Variants in FNDC3B observed in about 807,000 individuals in gnomAD.
FNDC3B encodes fibronectin type III domain containing 3B, also known as fibronectin type III domain-containing protein 3B.
In FNDC3B, 12 loss-of-function variants were observed where a neutral mutation model predicts 151.5. That is an observed-to-expected ratio of 0.08 (90% CI 0.05 to 0.13). FNDC3B has a LOEUF of 0.13. FNDC3B is among the 10% of genes least tolerant of loss of function. The pLI, the probability that FNDC3B is intolerant of heterozygous loss-of-function variation, is 1.00. For missense variants in FNDC3B, 1,214 were observed against 1,505.3 expected, an observed-to-expected ratio of 0.81 and a Z score of 3.20; for synonymous variants, 528 against 549.0, an observed-to-expected ratio of 0.96 and a Z score of 0.54.
intron 3 of FNDC3B, among the ~76,000 whole-genome samples, chr3:172,176,741 T>C (rs1377825222): frequency 6.6e-6 from 1 of 152,042 alleles, no homozygotes; most frequent in Non-Finnish European, 1.5e-5. Flanking sequence ...TAGTCTGGAG[T>C]GCTTGTTAAA....
At chr3:172,170,198 A>T (rs1051137025) in intron 3 of FNDC3B, among the ~76,000 whole-genome samples, 2 of 152,242 alleles carry the variant, frequency 1.3e-5, no homozygotes, top group African/African-American at 4.8e-5. Context: ...TTCTGTAAAG[A>T]TTCCTGCAAC....
chr3:172,135,220 C>G (rs1721300868), intron 3 of FNDC3B, among the ~76,000 whole-genome samples: 2 of 151,894 alleles, frequency 1.3e-5, no homozygotes, highest in Non-Finnish European at 2.9e-5. Flanking sequence ...TTCATTCCAC[C>G]TAAGTTTACT....
rs181285477 is a variant in FNDC3B at position 172,070,713 on chromosome 3, A to T, written c.-29+30942A>T. Among the ~76,000 whole-genome samples, 3 of 152,350 alleles carry T rather than the reference A, an allele frequency of 2.0e-5. No homozygotes were observed. The East Asian group carries it at 5.8e-4, about 29-fold the overall frequency. On this transcript the variant is annotated intron_variant, in intron 1 of 25. Transcript: ENST00000415807. The stretch of plus-strand genomic sequence containing the variant: ...TGAAAAAAATTTGAACATAGACAAA[A>T]GTAGAGAATAGTAGTGGATCCCCCT...
intron 2 of FNDC3B, among the ~76,000 whole-genome samples, chr3:172,125,332 C>A (rs983804358): frequency 7.2e-6 from 1 of 138,268 alleles, no homozygotes. Context: ...AGCCCCAGTC[C>A]GGGTCACAGC....
chr3:172,146,626 C>A lies in FNDC3B; in HGVS notation c.187+13080C>A, dbSNP rs531152416. On this transcript the variant is annotated intron_variant, in intron 3 of 25. Transcript: ENST00000415807. ...GAAATTCTTGCACTGTGCTTTCCCA[C>A]GTACATTTCAGTGTACAGGCTGTGT... Among the ~76,000 whole-genome samples the A allele has an allele frequency of 2.6e-5, 4 of 152,296 alleles. No individual in the cohort carries two copies. In the East Asian group the frequency reaches 7.7e-4, roughly 29 times the overall value.
chr3:172,386,759 G>GAAAAAAAAAAAAAA (rs1233563821), intron 25 of FNDC3B, among the ~76,000 whole-genome samples: 1 of 106,366 alleles, frequency 9.4e-6, no homozygotes. Context: ...AAAAAAAAAA[G>GAAAAAAAAAAAAAA]AAAAAAAAAA....
At chr3:172,074,997 T>C (rs1023235776) in intron 1 of FNDC3B, among the ~76,000 whole-genome samples, 6 of 152,242 alleles carry the variant, frequency 3.9e-5, no homozygotes, top group Non-Finnish European at 8.8e-5. Context: ...ACTTCTTGAT[T>C]TTAGTACATT....
intron 3 of FNDC3B, among the ~76,000 whole-genome samples, chr3:172,185,330 A>G (rs573231906): frequency 1.3e-5 from 2 of 152,302 alleles, no homozygotes; most frequent in South Asian, 2.1e-4. Flanking sequence ...GTACCCATTT[A>G]TTGGCCTGAT....
At chr3:172,065,644 C>T (rs1307797678) in intron 1 of FNDC3B, among the ~76,000 whole-genome samples, 2 of 152,286 alleles carry the variant, frequency 1.3e-5, no homozygotes, top group African/African-American at 4.8e-5. Context: ...TTTGGCTGTG[C>T]ATTAGCAACG....
rs1197681681 is a variant in FNDC3B at position 172,307,417 on chromosome 3, C to T, written c.1116C>T (p.Phe372=). The T allele has an allele frequency of 6.2e-6, 10 of 1,613,982 alleles. No homozygotes were observed. The highest frequency in any genetic ancestry group is 7.6e-6 in the Non-Finnish European group (9 of 1,179,972). Residue 372 remains phenylalanine, a synonymous_variant, in exon 10 of 26, where the codon TTC becomes TTT. Coordinates refer to ENST00000415807, the MANE Select transcript of FNDC3B (RefSeq NM_022763.4). ...GATCCTGCTCCGAGCCTGTTAGCTT[C>T]ACCACCCACAGCTGTGCACCCGAGT... is the stretch of plus-strand genomic sequence containing the variant. The part of the protein sequence containing the change: ...VKGSCSEPVS[F]TTHSCAPECP...
intron 3 of FNDC3B, among the ~76,000 whole-genome samples, chr3:172,210,853 G>T (rs1484618721): frequency 6.6e-6 from 1 of 152,104 alleles, no homozygotes; most frequent in African/African-American, 2.4e-5. Context: ...CTTTTTGGAT[G>T]TGTTACTTGG....
In FNDC3B at chr3:172,288,981, C is replaced by T. The variant is rs532802010; in HGVS notation, c.849+2997C>T. Reference sequence around the variant, plus strand: ...CTGCTTTTGCACATGACTAAAACAACTTCTCTTTCTCTCCACCTATATGTT... The same window carrying T: ...CTGCTTTTGCACATGACTAAAACAATTTCTCTTTCTCTCCACCTATATGTT... On this transcript the variant is annotated intron_variant, in intron 7 of 25. Transcript: ENST00000415807. Among the ~76,000 whole-genome samples the T allele has an allele frequency of 3.3e-5, 5 of 152,332 alleles. No individual in the cohort carries two copies. In the South Asian group the frequency reaches 1.0e-3, roughly 32 times the overall value.
intron 16 of FNDC3B, among the ~76,000 whole-genome samples, chr3:172,338,598 T>TA (rs1238046621): frequency 4.6e-5 from 7 of 152,244 alleles, no homozygotes; most frequent in African/African-American, 1.7e-4. Flanking sequence ...AGTGCCTTTT[T>TA]AAAAATTCTA....
intron 3 of FNDC3B, among the ~76,000 whole-genome samples, chr3:172,200,962 T>C (rs1725118094): frequency 6.6e-6 from 1 of 152,358 alleles, no homozygotes; most frequent in East Asian, 1.9e-4. Context: ...AAGAGCTATC[T>C]TTGTGGCAAT....
In FNDC3B at chr3:172,156,642, C is replaced by T. The variant is rs575922866; in HGVS notation, c.187+23096C>T. Among the ~76,000 whole-genome samples, 17 of 151,956 alleles carry T rather than the reference C, an allele frequency of 1.1e-4. No individual in the cohort carries two copies. The South Asian group carries it at 2.7e-3, about 24-fold the overall frequency. On this transcript the variant is annotated intron_variant, in intron 3 of 25. Transcript: ENST00000415807. ...TCCTTTGCTAATTGAACCTGGAAAA[C>T]CTAACCATGAAAGGGATCTACAGAG...
At chr3:172,351,044 G>C (rs1414032533) in intron 21 of FNDC3B, among the ~76,000 whole-genome samples, 1 of 152,182 alleles carries the variant, frequency 6.6e-6, no homozygotes, top group African/African-American at 2.4e-5. Context: ...ATCAAGTACA[G>C]TTGCCAGAAA....
chr3:172,078,317 T>C lies in FNDC3B; in HGVS notation c.-28-34135T>C, dbSNP rs145658052. Among the ~76,000 whole-genome samples, 377 of 152,358 alleles carry C rather than the reference T, an allele frequency of 2.5e-3. 3 individuals are homozygous for C. Among genetic ancestry groups the C allele is most frequent in the African/African-American group, 8.8e-3 (366 of 41,584 alleles). ...TTAGACTCTTTTTCTGTGAACTCTT[T>C]TCTTTCGACTTGTTGTTCTTTAAGG... is the stretch of plus-strand genomic sequence containing the variant. On this transcript the variant is annotated intron_variant, in intron 1 of 25. Coordinates refer to ENST00000415807, the MANE Select transcript of FNDC3B (RefSeq NM_022763.4).
chr3:172,293,184 G>C (rs117970227), intron 7 of FNDC3B, among the ~76,000 whole-genome samples: 1 of 152,158 alleles, frequency 6.6e-6, no homozygotes, highest in Non-Finnish European at 1.5e-5. Context: ...GTAAACAAAG[G>C]CAGCATTTGA....
intron 8 of FNDC3B, among the ~76,000 whole-genome samples, chr3:172,296,403 A>G (rs959209175): frequency 6.6e-6 from 1 of 152,176 alleles, no homozygotes; most frequent in Non-Finnish European, 1.5e-5. Context: ...GGAAAGAGGG[A>G]CAGAGGTTAA....
Sources: allele counts gnomAD v4.1 joint callset (sites outside exome capture counted in the v4.1 genomes callset), GRCh38; gene constraint gnomAD v4.1.1; transcripts MANE v1.5; gene names NCBI Gene and HGNC (gene_info 2026-07-23, HGNC 2026-07-21).